The following DLGAP1 variants were observed in gnomAD, a reference collection of about 807,000 sequenced individuals.
DLGAP1 encodes disks large-associated protein 1.
In DLGAP1, 11 loss-of-function variants were observed where a neutral mutation model predicts 90.8. The ratio of observed to expected loss-of-function variants is 0.12; its 90% CI spans 0.08 to 0.20. The LOEUF (loss-of-function observed/expected upper bound fraction) is 0.20, where lower values mean the gene tolerates loss of function less well. Among genes scored for constraint, DLGAP1 ranks in the 10% least tolerant of loss-of-function variants. The pLI is 1.00. For synonymous variants in DLGAP1, 558 were observed against 540.7 expected, an observed-to-expected ratio of 1.03 and a Z score of -0.44; for missense variants, 1,050 against 1,333.8, an observed-to-expected ratio of 0.79 and a Z score of 3.31.
chr18:3,719,032 C>T (rs1000407571), intron 7 of DLGAP1, among the ~76,000 whole-genome samples: 1 of 151,302 alleles, frequency 6.6e-6, no homozygotes, highest in African/African-American at 2.4e-5. Context: ...CTAAAAGTTT[C>T]TAAATTATAT....
intron 4 of DLGAP1, among the ~76,000 whole-genome samples, chr18:3,848,127 C>CAAAAAAAAAAAAAAAAA (rs3862177): frequency 1.6e-4 from 5 of 32,078 alleles, no homozygotes; most frequent in Non-Finnish European, 1.9e-4. Context: ...GGCCCCGTCT[C>CAAAAAAAAAAAAAAAAA]AAAAAAAAAA....
Position 3,499,171 on chromosome 18 carries a change from G to T in DLGAP1, c.*14C>A. On this transcript the variant is annotated 3_prime_UTR_variant, in exon 13 of 13. Transcript: ENST00000315677. The surrounding 1 kb of genome is among the most constrained non-coding windows in gnomAD (Gnocchi z 6.4). ...GGACAGATGCTTGGCGGCGGCGGCC[G>T]GGCTGCGGGGCGCTCAGAGCCGGGT... 1 of 1,546,964 alleles carries T rather than the reference G, an allele frequency of 6.5e-7. No individual in the cohort carries two copies.
At position 4,453,628 on chromosome 18, in the gene DLGAP1, A is replaced by T. The variant is rs372070232; in HGVS notation, c.-267+1378T>A. The stretch of plus-strand genomic sequence containing the variant: ...TAAAATCGCTTTCCTAGTTCTCAGC[A>T]TTTCTCATCTCCATGTCTAACCACA... On this transcript the variant is annotated intron_variant, in intron 1 of 12. Transcript: ENST00000315677. 7.4e-4 allele frequency among the ~76,000 whole-genome samples: 112 copies of T among 152,302 alleles called. 2 individuals carry two copies. The South Asian group carries it at 0.023, about 31-fold the overall frequency.
chr18:4,368,311 C>T (rs2081825369), intron 1 of DLGAP1, among the ~76,000 whole-genome samples: 1 of 152,122 alleles, frequency 6.6e-6, no homozygotes, highest in African/African-American at 2.4e-5. Flanking sequence ...GGCTGGACCA[C>T]AGTAAGCAGA....
chr18:3,773,576 TGATCCC>T lies in DLGAP1; in HGVS notation c.1173-31070_1173-31065del, dbSNP rs2064798749. ...GTTTGCTTTTGGATAAGATGACTTT[TGATCCC>T]CTAGTGCTGAAAACAAGAACTGGCA... On this transcript the variant is annotated intron_variant, in intron 5 of 12. Coordinates refer to ENST00000315677, the MANE Select transcript of DLGAP1 (RefSeq NM_004746.4). Among the ~76,000 whole-genome samples, 4 of 152,228 alleles carry T rather than the reference TGATCCC, an allele frequency of 2.6e-5. 1 individual carries two copies. The South Asian group carries it at 8.3e-4, about 31-fold the overall frequency.
chr18:4,348,542 G>A (rs191689766), intron 1 of DLGAP1, among the ~76,000 whole-genome samples: 1 of 152,150 alleles, frequency 6.6e-6, no homozygotes, highest in East Asian at 1.9e-4. Flanking sequence ...TGGCAGAAGA[G>A]CAATGAGCAC....
At chr18:4,358,216 TAAAC>T (rs556400751) in intron 1 of DLGAP1, among the ~76,000 whole-genome samples, 221 of 152,272 alleles carry the variant, frequency 1.5e-3, no homozygotes, top group Non-Finnish European at 2.7e-3. Context: ...AACAAACAGA[TAAAC>T]AATACAATTT....
intron 8 of DLGAP1, among the ~76,000 whole-genome samples, chr18:3,574,146 T>C (rs1446874793): frequency 1.3e-5 from 2 of 152,256 alleles, no homozygotes; most frequent in Non-Finnish European, 2.9e-5. Context: ...ACTATTCTCA[T>C]TCCTAATATT....
chr18:3,657,248 G>A (rs1379034195), intron 7 of DLGAP1, among the ~76,000 whole-genome samples: 1 of 152,200 alleles, frequency 6.6e-6, no homozygotes, highest in Admixed American at 6.5e-5. Flanking sequence ...TTTCAAACTG[G>A]AGGAGTTTGC....
chr18:4,043,113 G>A (rs535307269), intron 2 of DLGAP1, among the ~76,000 whole-genome samples: 2 of 152,240 alleles, frequency 1.3e-5, no homozygotes, highest in Admixed American at 1.3e-4. Flanking sequence ...GGGAAGAGTA[G>A]ACCTTCTCAT....
chr18:4,403,754 C>A (rs1282442108), intron 1 of DLGAP1, among the ~76,000 whole-genome samples: 1 of 148,838 alleles, frequency 6.7e-6, no homozygotes. Flanking sequence ...TGATTCCTTT[C>A]TTTCTTTTTA....
Position 3,972,683 on chromosome 18 carries a change from G to A in DLGAP1, c.-73+32433C>T, listed in dbSNP as rs140472211. Among the ~76,000 whole-genome samples the A allele has an allele frequency of 2.3e-4, 35 of 152,240 alleles. No individual in the cohort carries two copies. The East Asian group carries it at 6.2e-3, about 27-fold the overall frequency. ...GCAACTATTGAGCACCACTGTCCAC[G>A]TAGGAACTTTGTTATGTTGAGCTCT... On this transcript the variant is annotated intron_variant, in intron 3 of 12. Transcript: ENST00000315677.
chr18:4,169,863 T>G (rs1363349255), intron 1 of DLGAP1, among the ~76,000 whole-genome samples: 1 of 152,182 alleles, frequency 6.6e-6, no homozygotes, highest in Non-Finnish European at 1.5e-5. Flanking sequence ...AGCATGAGCT[T>G]AGGAATCAGA....
At chr18:4,077,874 C>T (rs2075547422) in intron 2 of DLGAP1, among the ~76,000 whole-genome samples, 1 of 152,118 alleles carries the variant, frequency 6.6e-6, no homozygotes, top group Non-Finnish European at 1.5e-5. Context: ...TTTAAGCATT[C>T]TGTGAAGGAA....
chr18:3,596,756 C>T, intron 7 of DLGAP1: 1 of 488,284 alleles, frequency 2.0e-6, no homozygotes, highest in South Asian at 1.5e-5. Context: ...AAAGGACTAA[C>T]AATCAGGAAG....
intron 10 of DLGAP1, among the ~76,000 whole-genome samples, chr18:3,513,279 C>A (rs912831095): frequency 6.6e-6 from 1 of 152,050 alleles, no homozygotes; most frequent in South Asian, 2.1e-4. Context: ...AGTGTGATTT[C>A]TGTTTATTTA....
chr18:4,320,994 A>G (rs1385925921), intron 1 of DLGAP1, among the ~76,000 whole-genome samples: 1 of 152,226 alleles, frequency 6.6e-6, no homozygotes, highest in East Asian at 1.9e-4. Context: ...AATATCTCTA[A>G]GTGCAAATGA....
At chr18:4,018,522 A>C (rs1328812864) in intron 2 of DLGAP1, among the ~76,000 whole-genome samples, 1 of 152,264 alleles carries the variant, frequency 6.6e-6, no homozygotes, top group African/African-American at 2.4e-5. Flanking sequence ...CTGGGTCGCC[A>C]ACTACAGCAT....
intron 5 of DLGAP1, among the ~76,000 whole-genome samples, chr18:3,793,148 A>G (rs907764671): frequency 6.6e-6 from 1 of 152,150 alleles, no homozygotes; most frequent in South Asian, 2.1e-4. Flanking sequence ...TCTCTCTCTG[A>G]GAAGGACTGT....
Sources: allele counts gnomAD v4.1 joint callset (sites outside exome capture counted in the v4.1 genomes callset), GRCh38; gene constraint gnomAD v4.1.1; non-coding constraint Gnocchi (gnomAD v3.1); transcripts MANE v1.5; gene names NCBI Gene and HGNC (gene_info 2026-07-23, HGNC 2026-07-21).